Variants in CNTN4 observed in about 807,000 individuals in gnomAD.
The protein encoded by CNTN4 is contactin-4.
A neutral mutation model predicts 122.5 loss-of-function variants in CNTN4; 77 were observed. That is an observed-to-expected ratio of 0.63 (90% confidence interval 0.52 to 0.76). The LOEUF (loss-of-function observed/expected upper bound fraction) is 0.76. CNTN4 is among the 30% of genes least tolerant of loss of function. The pLI is 0.00. For synonymous variants in CNTN4, 512 were observed against 447.0 expected, an observed-to-expected ratio of 1.15 and a Z score of -1.83; for missense variants, 1,256 against 1,259.1, an observed-to-expected ratio of 1.00 and a Z score of 0.04.
At chr3:2,552,900 C>G (rs1227297684) in intron 3 of CNTN4, among the ~76,000 whole-genome samples, 2 of 152,074 alleles carry the variant, frequency 1.3e-5, no homozygotes, top group Non-Finnish European at 2.9e-5. Flanking sequence ...TACGGCATGG[C>G]GAAGTGTGTT....
At chr3:2,590,438 G>A (rs1383042355) in intron 4 of CNTN4, among the ~76,000 whole-genome samples, 1 of 151,858 alleles carries the variant, frequency 6.6e-6, no homozygotes. Flanking sequence ...TGTATTTTGT[G>A]TAGAGACGGG....
intron 3 of CNTN4, among the ~76,000 whole-genome samples, chr3:2,517,741 A>G (rs76828621): frequency 9.1e-4 from 138 of 152,278 alleles, no homozygotes; most frequent in Middle Eastern, 3.4e-3. Context: ...GTTAGAATTC[A>G]TTGTATATGT....
chr3:2,842,371 G>A (rs2093377820), intron 7 of CNTN4, among the ~76,000 whole-genome samples: 1 of 152,080 alleles, frequency 6.6e-6, no homozygotes, highest in Non-Finnish European at 1.5e-5. Flanking sequence ...CATCCTCTTG[G>A]TCACTGGATT....
chr3:2,697,098 T>C (rs1328915883), intron 4 of CNTN4, among the ~76,000 whole-genome samples: 1 of 152,208 alleles, frequency 6.6e-6, no homozygotes, highest in Non-Finnish European at 1.5e-5. Flanking sequence ...AGAAGAAGGG[T>C]GACAAATTTA....
Position 3,040,019 on chromosome 3 carries a change from A to G in CNTN4, c.2164-18A>G. 1 of 1,551,572 alleles carries G rather than the reference A, an allele frequency of 6.4e-7. No individual in the cohort carries two copies. Among genetic ancestry groups the G allele is most frequent in the African/African-American group, 1.3e-5 (1 of 74,198 alleles). ...GAAACTACTGTGATTTCTGAAGACC[A>G]CCTTCCTTCTTTCCCAGACGGTCCC... On this transcript the variant is annotated intron_variant, in intron 19 of 24. Transcript: ENST00000418658.
intron 4 of CNTN4, among the ~76,000 whole-genome samples, chr3:2,650,076 AATAT>A (rs139412989): frequency 1.4e-5 from 2 of 145,570 alleles, no homozygotes; most frequent in Non-Finnish European, 3.0e-5. Flanking sequence ...TATTTTTATA[AATAT>A]ATATATATAT....
intron 2 of CNTN4, among the ~76,000 whole-genome samples, chr3:2,179,431 C>G (rs2036908897): frequency 6.6e-6 from 1 of 151,930 alleles, no homozygotes; most frequent in Admixed American, 6.6e-5. Context: ...TACCTTGTAC[C>G]TCCAATGAAG....
chr3:3,008,987 C>A, intron 14 of CNTN4: 1 of 985,316 alleles, frequency 1.0e-6, no homozygotes, highest in South Asian at 4.7e-5. Context: ...ATTACAGAAT[C>A]ACCAGCGTCT....
At chr3:2,510,272 G>C (rs1436923870) in intron 3 of CNTN4, among the ~76,000 whole-genome samples, 1 of 152,140 alleles carries the variant, frequency 6.6e-6, no homozygotes, top group Non-Finnish European at 1.5e-5. Context: ...AGAATAGAAT[G>C]TCACATTGTA....
At chr3:2,607,600 A>C (rs1247242089) in intron 4 of CNTN4, among the ~76,000 whole-genome samples, 1 of 151,136 alleles carries the variant, frequency 6.6e-6, no homozygotes, top group East Asian at 2.0e-4. Flanking sequence ...GTGTGTATAT[A>C]CATATGCATC....
In CNTN4 at chr3:2,930,850, T is replaced by C. The variant is rs550371794; in HGVS notation, c.1358+5071T>C. On this transcript the variant is annotated intron_variant, in intron 13 of 24. Transcript: ENST00000418658. ...ACCTAGCTAGCCCTCACGGTGCTCA[T>C]AGACTAGCGCAGAGGCCCAGTAGCA... 9.8e-5 allele frequency among the ~76,000 whole-genome samples: 15 copies of C among 152,298 alleles called. 1 individual carries two copies. Among genetic ancestry groups the C allele is most frequent in the South Asian group, 6.2e-4 (3 of 4,826 alleles).
intron 3 of CNTN4, among the ~76,000 whole-genome samples, chr3:2,416,951 G>A (rs2047440091): frequency 1.3e-5 from 2 of 151,502 alleles, no homozygotes; most frequent in African/African-American, 4.9e-5. Context: ...ACCGCGCCCG[G>A]CCCAGTGTCG....
chr3:2,657,523 T>C (rs1381971801), intron 4 of CNTN4, among the ~76,000 whole-genome samples: 1 of 152,142 alleles, frequency 6.6e-6, no homozygotes, highest in East Asian at 1.9e-4. Context: ...CGTTTGTGAA[T>C]TGAAAGTTGG....
chr3:2,338,546 A>G (rs2044050586), intron 2 of CNTN4, among the ~76,000 whole-genome samples: 1 of 152,008 alleles, frequency 6.6e-6, no homozygotes, highest in Non-Finnish European at 1.5e-5. Context: ...TACACATATG[A>G]ATAAACATGA....
At chr3:2,648,056 G>T (rs984899244) in intron 4 of CNTN4, among the ~76,000 whole-genome samples, 2 of 152,150 alleles carry the variant, frequency 1.3e-5, no homozygotes, top group African/African-American at 4.8e-5. Flanking sequence ...ATCACTGAGT[G>T]TATATAACAA....
At chr3:2,640,639 A>ATATGT in intron 4 of CNTN4, among the ~76,000 whole-genome samples, 1 of 89,594 alleles carries the variant, frequency 1.1e-5, no homozygotes, top group Middle Eastern at 4.4e-3. Context: ...GAGTGTGTGT[A>ATATGT]TATGTGTGTG....
At chr3:2,945,575 G>T (rs1273448505) in intron 13 of CNTN4, among the ~76,000 whole-genome samples, 1 of 152,120 alleles carries the variant, frequency 6.6e-6, no homozygotes, top group Non-Finnish European at 1.5e-5. Flanking sequence ...TTTTGTCAAA[G>T]ATTGTCAGTA....
At chr3:2,968,299 G>T (rs923194764) in intron 13 of CNTN4, among the ~76,000 whole-genome samples, 1 of 152,108 alleles carries the variant, frequency 6.6e-6, no homozygotes, top group African/African-American at 2.4e-5. Flanking sequence ...TTGGATGTAT[G>T]CCTAAACAGC....
intron 2 of CNTN4, among the ~76,000 whole-genome samples, chr3:2,281,640 A>G (rs141058268): frequency 2.0e-5 from 3 of 152,034 alleles, no homozygotes; most frequent in African/African-American, 7.2e-5. Flanking sequence ...ATTCTTGACA[A>G]CCTTCTATAG....
Sources: allele counts gnomAD v4.1 joint callset (sites outside exome capture counted in the v4.1 genomes callset), GRCh38; gene constraint gnomAD v4.1.1; transcripts MANE v1.5; gene names NCBI Gene and HGNC (gene_info 2026-07-23, HGNC 2026-07-21).